U2AF2: variants seen among roughly 807,000 people sequenced by gnomAD.
The protein encoded by U2AF2 is U2 small nuclear RNA auxiliary factor 2.
In U2AF2, 6 loss-of-function variants were observed where a neutral mutation model predicts 52.6. That is an observed-to-expected ratio of 0.11 (90% CI 0.06 to 0.23). U2AF2 has a LOEUF of 0.23. U2AF2 is among the 10% of genes least tolerant of loss of function. The probability of loss-of-function intolerance (pLI) is 1.00; values close to 1 mark genes in which losing one functional copy is unlikely to be tolerated. For synonymous variants in U2AF2, 284 were observed against 258.2 expected, an observed-to-expected ratio of 1.10 and a Z score of -0.96; for missense variants, 222 against 677.1, an observed-to-expected ratio of 0.33 and a Z score of 7.46.
chr19:55,671,689 C>T (rs1397751986), intron 11 of U2AF2: 2 of 152,310 alleles, frequency 1.3e-5, no homozygotes, highest in Admixed American at 1.3e-4. Flanking sequence ...TTCCCTTGAG[C>T]TGGTATGTCA....
intron 6 of U2AF2, among the ~76,000 whole-genome samples, chr19:55,663,169 C>T (rs539379749): frequency 1.3e-5 from 2 of 151,040 alleles, no homozygotes; most frequent in South Asian, 4.2e-4. Flanking sequence ...CTCTCACTGT[C>T]TGAGCACTCC....
intron 1 of U2AF2, among the ~76,000 whole-genome samples, chr19:55,655,381 G>T (rs1173075130): frequency 3.3e-5 from 5 of 152,188 alleles, no homozygotes. Context: ...TGCGCACGGC[G>T]GCTGTCCCTG....
Position 55,655,229 on chromosome 19 carries a change from C to T in U2AF2, c.49+76C>T, listed in dbSNP as rs370780511. 8.0e-5 allele frequency: 120 copies of T among 1,504,030 alleles called. No individual in the cohort carries two copies. The African/African-American group carries it at 1.3e-3, about 17-fold the overall frequency. 93.2% of individuals were successfully genotyped at this position (1,504,030 alleles called of 1,614,324 possible). Reference sequence around the variant, plus strand: ...CTCTTTGCCCCCCCGCCATTTTCTCCCTCGCTTCCCCCCACTTCACGGCCG... The same window carrying T: ...CTCTTTGCCCCCCCGCCATTTTCTCTCTCGCTTCCCCCCACTTCACGGCCG... On this transcript the variant is annotated intron_variant, in intron 1 of 11. Coordinates refer to ENST00000308924, the MANE Select transcript of U2AF2 (RefSeq NM_007279.3).
Position 55,659,144 on chromosome 19 carries a change from G to C in U2AF2, c.50-66G>C, listed in dbSNP as rs556700782. 4.2e-6 allele frequency: 6 copies of C among 1,436,396 alleles called. No individual in the cohort carries two copies. In the East Asian group the frequency reaches 8.0e-5, roughly 19 times the overall value. 89.0% of individuals were successfully genotyped at this position (1,436,396 alleles called of 1,614,324 possible). On this transcript the variant is annotated intron_variant, in intron 1 of 11. Coordinates refer to ENST00000308924, the MANE Select transcript of U2AF2 (RefSeq NM_007279.3). Reference sequence around the variant, plus strand: ...GGGCTTGGGACATAGCCACCAGCGCGCAGGGTGGGCTGGGCCCGCATCCTT... The same window carrying C: ...GGGCTTGGGACATAGCCACCAGCGCCCAGGGTGGGCTGGGCCCGCATCCTT...
At chr19:55,662,745 G>T in intron 6 of U2AF2, 127 bp downstream of exon 6, 1 of 775,188 alleles carries the variant, frequency 1.3e-6, no homozygotes, top group East Asian at 2.5e-5. Flanking sequence ...TTCTCCACCC[G>T]GTCGCTGAAG....
chr19:55,659,135 C>T (rs976183064), intron 1 of U2AF2, 75 bp from the exon 2 acceptor site: 2 of 1,422,884 alleles, frequency 1.4e-6, no homozygotes, highest in East Asian at 2.7e-5. Context: ...GGGACATAGC[C>T]ACCAGCGCGC....
chr19:55,655,241 C>A lies in U2AF2; in HGVS notation c.49+88C>A. The A allele has an allele frequency of 3.5e-6, 5 of 1,436,800 alleles. No individual in the cohort carries two copies. In the South Asian group the frequency reaches 4.9e-5, roughly 14 times the overall value. The allele number at this position is 1,436,800 out of a possible 1,614,324, so 89.0% of individuals were successfully genotyped here. ...CCGCCATTTTCTCCCTCGCTTCCCC[C>A]CACTTCACGGCCGCGCGGCGCCCCC... is the stretch of plus-strand genomic sequence containing the variant. On this transcript the variant is annotated intron_variant, in intron 1 of 11. Coordinates refer to ENST00000308924, the MANE Select transcript of U2AF2 (RefSeq NM_007279.3).
rs1035021558 is a variant in U2AF2, at chr19:55,668,109, C to T, written c.743-398C>T. Among the ~76,000 whole-genome samples the T allele has an allele frequency of 6.6e-6, 1 of 152,138 alleles. No individual in the cohort carries two copies. The highest frequency in any genetic ancestry group is 1.5e-5 in the Non-Finnish European group (1 of 68,010). On this transcript the variant is annotated intron_variant, in intron 7 of 11. Transcript: ENST00000308924. This position sits in a 1 kb window ranked among gnomAD's most constrained non-coding sequence, Gnocchi z 5.5. ...GACTGAGCTTTAATGGGAGCCTTGC[C>T]TGGGTGGCTGTCAGAGAAGGGGTGG... is the stretch of plus-strand genomic sequence containing the variant.
In U2AF2 at chr19:55,674,327, G is replaced by A; in HGVS notation, c.*259G>A. ...CACCCACACAGACACAGAGGGAAGG[G>A]GTTGGGATGGGGACAGGGTGCACAG... On this transcript the variant is annotated 3_prime_UTR_variant, in exon 12 of 12. Coordinates refer to ENST00000308924, the MANE Select transcript of U2AF2 (RefSeq NM_007279.3). The A allele has an allele frequency of 4.3e-6, 2 of 466,966 alleles. No homozygotes were observed. Among genetic ancestry groups the A allele is most frequent in the Non-Finnish European group, 3.9e-6 (1 of 258,330 alleles). The allele number at this position is 466,966 out of a possible 1,614,324, so 28.9% of individuals were successfully genotyped here.
In U2AF2 at chr19:55,668,615, T is replaced by TCCCCCCCC; in HGVS notation, c.822+35_822+36insCCCCCCCC. The TCCCCCCCC allele has an allele frequency of 6.6e-7, 1 of 1,514,026 alleles. No individual in the cohort carries two copies. The highest frequency in any genetic ancestry group is 9.1e-7 in the Non-Finnish European group (1 of 1,097,238). 93.8% of individuals were successfully genotyped at this position (1,514,026 alleles called of 1,614,324 possible). ...ACTTCCCTGCCTCCCTCCAGACCCG[T>TCCCCCCCC]CCCCCCACCCCGCCCCACCTCATCC... On this transcript the variant is annotated intron_variant, in intron 8 of 11. Transcript: ENST00000308924. This position sits in a 1 kb window ranked among gnomAD's most constrained non-coding sequence, Gnocchi z 5.5.
At chr19:55,663,986 G>A (rs1984383620) in intron 7 of U2AF2, 1 of 520,858 alleles carries the variant, frequency 1.9e-6, no homozygotes, top group Non-Finnish European at 3.3e-6. Context: ...ACGTGGCAGA[G>A]CCAGGATCAG....
intron 6 of U2AF2, among the ~76,000 whole-genome samples, chr19:55,663,052 A>G (rs1984319841): frequency 6.6e-6 from 1 of 151,146 alleles, no homozygotes; most frequent in Admixed American, 6.6e-5. Flanking sequence ...ACTGTCGGGA[A>G]AAGGCCTTGG....
intron 1 of U2AF2, among the ~76,000 whole-genome samples, chr19:55,658,687 G>A (rs772349553): frequency 6.6e-5 from 10 of 152,114 alleles, no homozygotes; most frequent in South Asian, 4.1e-4. Context: ...ATTATTCACC[G>A]GCTTGGGAAG....
intron 11 of U2AF2, chr19:55,670,653 A>G: frequency 4.1e-6 from 1 of 243,070 alleles, no homozygotes; most frequent in Non-Finnish European, 8.2e-6. Context: ...GGTGGCAGTG[A>G]GCAGGTGAGT....
rs1984079993 is a variant in U2AF2 at position 55,660,169 on chromosome 19, C to T, written c.186-8C>T. The T allele has an allele frequency of 2.5e-6, 4 of 1,601,962 alleles. No individual in the cohort carries two copies. Among genetic ancestry groups the T allele is most frequent in the East Asian group, 2.2e-5 (1 of 44,504 alleles). On this transcript the variant is annotated splice_region_variant and splice_polypyrimidine_tract_variant and intron_variant, in intron 2 of 11. Transcript: ENST00000308924. ...CCCCTCCCCATACCTTTCCCTCCCACCCCCCAGCAAACCTTTGACCAGAGG... is the reference window on the plus strand; with the variant it reads ...CCCCTCCCCATACCTTTCCCTCCCATCCCCCAGCAAACCTTTGACCAGAGG...
In U2AF2 at chr19:55,659,247, C is replaced by T; in HGVS notation, c.87C>T (p.His29=). The change falls in exon 2 of 12, where the codon CAC becomes CAT. Residue 29 remains histidine (H), a synonymous_variant. Coordinates refer to ENST00000308924, the MANE Select transcript of U2AF2 (RefSeq NM_007279.3). ...AGAACCGGCATCGGAAGCGCAGCCACAGCCGCTCTCGGAGCCGGGACCGCA... is the reference window on the plus strand; with the variant it reads ...AGAACCGGCATCGGAAGCGCAGCCATAGCCGCTCTCGGAGCCGGGACCGCA... ...DKENRHRKRS[H]SRSRSRDRKR... The T allele has an allele frequency of 6.2e-7, 1 of 1,602,080 alleles. No individual in the cohort carries two copies. Among genetic ancestry groups the T allele is most frequent in the Non-Finnish European group, 8.5e-7 (1 of 1,173,432 alleles).
intron 11 of U2AF2, among the ~76,000 whole-genome samples, chr19:55,673,133 G>C (rs979133437): frequency 6.7e-6 from 1 of 150,230 alleles, no homozygotes; most frequent in African/African-American, 2.5e-5. Flanking sequence ...TGGCCATGCT[G>C]GTCTTGAACT....
In U2AF2 at chr19:55,674,142, C is replaced by A; in HGVS notation, c.*74C>A. On this transcript the variant is annotated 3_prime_UTR_variant, in exon 12 of 12. Transcript: ENST00000308924. ...ACTCCCGCCCCCCCCTTATCCCCCT[C>A]TGAAGACGATGGGCAGAGGAGTGAC... 6.9e-7 allele frequency: 1 copy of A among 1,448,166 alleles called. No individual in the cohort carries two copies. Among genetic ancestry groups the A allele is most frequent in the Non-Finnish European group, 9.1e-7 (1 of 1,098,126 alleles). 89.7% of individuals were successfully genotyped at this position (1,448,166 alleles called of 1,614,324 possible).
At chr19:55,659,633 C>T (rs1338596032) in intron 2 of U2AF2, among the ~76,000 whole-genome samples, 1 of 151,848 alleles carries the variant, frequency 6.6e-6, no homozygotes, top group African/African-American at 2.4e-5. Context: ...TGTTTTCCTT[C>T]ACAAGGGGTT....
Sources: gnomAD v4.1 joint callset for allele counts (sites outside exome capture counted in the v4.1 genomes callset) on GRCh38, gnomAD v4.1.1 for gene constraint, Gnocchi (gnomAD v3.1) non-coding constraint, MANE v1.5 for transcripts, NCBI Gene and HGNC (gene_info 2026-07-23, HGNC 2026-07-21) for gene names.